Variants in HSD17B2 observed in about 807,000 individuals in gnomAD.
HSD17B2 encodes the protein hydroxysteroid 17-beta dehydrogenase 2, also known as 17-beta-hydroxysteroid dehydrogenase type 2.
HSD17B2 carries 32 observed loss-of-function variants against 26.9 expected under a neutral mutation model. The ratio of observed to expected loss-of-function variants is 1.19; its 90% CI spans 0.90 to 1.60. The LOEUF (loss-of-function observed/expected upper bound fraction) is 1.60, where lower values mean the gene tolerates loss of function less well. HSD17B2 is among the 40% of genes most tolerant of loss of function. HSD17B2 has a pLI of 0.00. For missense variants in HSD17B2, 613 were observed against 468.6 expected (o/e 1.31, Z -2.85); for synonymous variants, 246 against 186.7 (o/e 1.32, Z -2.59).
intron 1 of HSD17B2, among the ~76,000 whole-genome samples, chr16:82,045,457 G>C (rs541309704): frequency 1.3e-5 from 2 of 152,360 alleles, no homozygotes; most frequent in South Asian, 4.1e-4. Context: ...TATTAAGCAA[G>C]ATTGTGAATA....
intron 1 of HSD17B2, among the ~76,000 whole-genome samples, chr16:82,060,958 T>A (rs1054625909): frequency 1.4e-4 from 22 of 151,944 alleles, no homozygotes; most frequent in Non-Finnish European, 2.8e-4. Flanking sequence ...GTCGGTTTTT[T>A]AAAAAAAGTT....
intron 3 of HSD17B2, among the ~76,000 whole-genome samples, chr16:82,082,388 G>C (rs1567590844): frequency 6.6e-6 from 1 of 152,036 alleles, no homozygotes; most frequent in Admixed American, 6.6e-5. Context: ...TCTTCAATAG[G>C]TTTCTTTGCA....
At chr16:82,062,656 C>A (rs1423211593) in intron 1 of HSD17B2, among the ~76,000 whole-genome samples, 5 of 152,212 alleles carry the variant, frequency 3.3e-5, no homozygotes, top group Admixed American at 6.5e-5. Context: ...ACATTACTTA[C>A]CCCCCAGGGT....
intron 1 of HSD17B2, among the ~76,000 whole-genome samples, chr16:82,064,535 T>A (rs1229281959): frequency 6.6e-6 from 1 of 152,190 alleles, no homozygotes; most frequent in African/African-American, 2.4e-5. Context: ...GGAGCAGAAT[T>A]GCTAGGTCGT....
chr16:82,063,733 C>A (rs1444885129), intron 1 of HSD17B2, among the ~76,000 whole-genome samples: 1 of 152,124 alleles, frequency 6.6e-6, no homozygotes, highest in African/African-American at 2.4e-5. Flanking sequence ...ATCAGAGTGA[C>A]ACAATCAGAC....
At chr16:82,067,039 T>C (rs946485623) in intron 1 of HSD17B2, among the ~76,000 whole-genome samples, 13 of 152,238 alleles carry the variant, frequency 8.5e-5, no homozygotes, top group Admixed American at 5.2e-4. Flanking sequence ...GTCCTGCACA[T>C]GTTTATCAAT....
rs749586690 is a variant in HSD17B2 at position 82,035,527 on chromosome 16, T to C, written c.103T>C (p.Trp35Arg). Residue 35 changes from tryptophan to arginine, a missense_variant, in exon 1 of 5, where the codon TGG becomes CGG. Coordinates refer to ENST00000199936, the MANE Select transcript of HSD17B2 (RefSeq NM_002153.3). ...CKYKKSSGQL[W>R]SWMVCLAGLC... ...ATACAAGAAGAGCTCAGGGCAGCTGTGGAGCTGGATGGTCTGCCTGGCAGG... is the reference window on the plus strand; with the variant it reads ...ATACAAGAAGAGCTCAGGGCAGCTGCGGAGCTGGATGGTCTGCCTGGCAGG... 8 of 1,614,142 alleles carry C rather than the reference T, an allele frequency of 5.0e-6. No individual in the cohort carries two copies. In the East Asian group the frequency reaches 1.3e-4, roughly 27 times the overall value.
At chr16:82,083,883 G>T (rs1904447453) in intron 3 of HSD17B2, among the ~76,000 whole-genome samples, 1 of 152,130 alleles carries the variant, frequency 6.6e-6, no homozygotes, top group South Asian at 2.1e-4. Flanking sequence ...ATCCCAGCAA[G>T]GCAGTTGGAT....
In HSD17B2 at chr16:82,062,797, C is replaced by T. The variant is rs567860988; in HGVS notation, c.266-5373C>T. On this transcript the variant is annotated intron_variant, in intron 1 of 4. Coordinates refer to ENST00000199936, the MANE Select transcript of HSD17B2 (RefSeq NM_002153.3). ...CTTATGAAACACTTCCAACTTCTCA[C>T]GAAAGCCCTGGCTTTGTTGCCAGGT... is the stretch of plus-strand genomic sequence containing the variant. Among the ~76,000 whole-genome samples, 64 of 152,324 alleles carry T rather than the reference C, an allele frequency of 4.2e-4. No homozygotes were observed. In the Middle Eastern group the frequency reaches 0.01, roughly 24 times the overall value.
intron 3 of HSD17B2, among the ~76,000 whole-genome samples, chr16:82,089,504 T>A (rs1368890006): frequency 2.0e-5 from 3 of 152,286 alleles, no homozygotes; most frequent in African/African-American, 4.8e-5. Context: ...AGTGTCTTCC[T>A]GCTGAAGACC....
At chr16:82,076,030 A>G (rs62046325) in intron 3 of HSD17B2, among the ~76,000 whole-genome samples, 3,727 of 152,280 alleles carry the variant, frequency 0.024, 74 homozygotes, top group Middle Eastern at 0.058. Flanking sequence ...ATCATTTATC[A>G]TGACTAAGTG....
At chr16:82,042,078 C>G (rs539339639) in intron 1 of HSD17B2, among the ~76,000 whole-genome samples, 1 of 151,762 alleles carries the variant, frequency 6.6e-6, no homozygotes, top group East Asian at 1.9e-4. Context: ...TCTTGGTTCA[C>G]TGCAATCTCT....
Position 82,098,136 on chromosome 16 carries a change from C to A in HSD17B2, c.864C>A (p.Pro288=), listed in dbSNP as rs747352010. 1 of 1,613,966 alleles carries A rather than the reference C, an allele frequency of 6.2e-7. No homozygotes were observed. Among genetic ancestry groups the A allele is most frequent in the South Asian group, 1.1e-5 (1 of 91,062 alleles). Residue 288 remains proline, a synonymous_variant, in exon 5 of 5, where the codon CCC becomes CCA. Coordinates refer to ENST00000199936, the MANE Select transcript of HSD17B2 (RefSeq NM_002153.3). The part of the protein sequence containing the change: ...KLEKDILDHL[P]AEVQEDYGQD... Reference sequence around the variant, plus strand: ...AGAAGGACATTCTGGACCACCTCCCCGCTGAGGTACAGGAAGACTACGGCC... The same window carrying A: ...AGAAGGACATTCTGGACCACCTCCCAGCTGAGGTACAGGAAGACTACGGCC...
chr16:82,068,811 T>C (rs562904817), intron 2 of HSD17B2, among the ~76,000 whole-genome samples: 1 of 152,330 alleles, frequency 6.6e-6, no homozygotes, highest in Admixed American at 6.5e-5. Flanking sequence ...AGCTCTGTGA[T>C]TCTCTTCCTC....
chr16:82,074,896 T>G (rs1353961024), intron 3 of HSD17B2, among the ~76,000 whole-genome samples: 1 of 152,234 alleles, frequency 6.6e-6, no homozygotes, highest in Non-Finnish European at 1.5e-5. Flanking sequence ...CTGCAGAATA[T>G]GCATTCTTCT....
chr16:82,075,798 C>A (rs1457692510), intron 3 of HSD17B2, among the ~76,000 whole-genome samples: 2 of 151,208 alleles, frequency 1.3e-5, no homozygotes, highest in East Asian at 3.9e-4. Flanking sequence ...TAAAGAAGAA[C>A]TAATACCGAT....
chr16:82,074,742 C>T (rs1460623882), intron 3 of HSD17B2, among the ~76,000 whole-genome samples: 1 of 152,202 alleles, frequency 6.6e-6, no homozygotes, highest in Non-Finnish European at 1.5e-5. Flanking sequence ...GACCTCAATA[C>T]ATTAGTAGCT....
intron 1 of HSD17B2, among the ~76,000 whole-genome samples, chr16:82,067,021 G>A (rs1341713842): frequency 2.0e-5 from 3 of 152,290 alleles, no homozygotes; most frequent in South Asian, 2.1e-4. Context: ...TCACACTGGT[G>A]GATTTTAGTC....
chr16:82,077,887 AT>A (rs1398910488), intron 3 of HSD17B2, among the ~76,000 whole-genome samples: 1 of 152,238 alleles, frequency 6.6e-6, no homozygotes, highest in Non-Finnish European at 1.5e-5. Flanking sequence ...ATATAAAAAA[AT>A]CAAATCAAAA....
Sources: gnomAD v4.1 joint callset for allele counts (sites outside exome capture counted in the v4.1 genomes callset) on GRCh38, gnomAD v4.1.1 for gene constraint, MANE v1.5 for transcripts, NCBI Gene and HGNC (gene_info 2026-07-23, HGNC 2026-07-21) for gene names.